The following ZNF469 variants were observed in gnomAD, a reference collection of about 807,000 sequenced individuals.
ZNF469 encodes zinc finger protein 469.
In ZNF469, 1 loss-of-function variant was observed where a neutral mutation model predicts 1.0. The ratio of observed to expected loss-of-function variants is 1.00; its 90% CI spans 0.35 to 4.73. The LOEUF is 4.73. Ranked by LOEUF, ZNF469 falls within the 30% of genes most tolerant of loss-of-function variation. The pLI is 0.16. For missense variants in ZNF469, 6,100 were observed against 5,356.3 expected (o/e 1.14, Z -4.33); for synonymous variants, 2,703 against 2,363.4 (o/e 1.14, Z -4.17).
chr16:88,434,845 G>A lies in ZNF469; in HGVS notation c.7375G>A (p.Glu2459Lys), dbSNP rs752904821. Residue 2459 changes from glutamate to lysine, a missense_variant, in exon 3 of 3, where the codon GAG becomes AAG. Transcript: ENST00000565624. ...RGYKKKPAST[E>K]NGQWKGQAPH... ...CTATAAAAAGAAGCCTGCATCTACA[G>A]AGAACGGCCAGTGGAAGGGCCAAGC... 9 of 1,550,250 alleles carry A rather than the reference G, an allele frequency of 5.8e-6. No individual in the cohort carries two copies. The African/African-American group carries it at 8.2e-5, about 14-fold the overall frequency.
the ZNF469 span, among the ~76,000 whole-genome samples, chr16:88,157,106 T>C: frequency 1.1e-3 from 163 of 152,252 alleles, no homozygotes; most frequent in Non-Finnish European, 1.9e-3. Flanking sequence ...AGGGCTCCTG[T>C]GTCCCGGAGG....
chr16:88,281,821 TG>T, the ZNF469 span, among the ~76,000 whole-genome samples: 5 of 152,068 alleles, frequency 3.3e-5, no homozygotes, highest in East Asian at 9.6e-4. Context: ...GCACACAGGT[TG>T]GTGCTGTGCC....
chr16:88,433,232 G>A lies in ZNF469; in HGVS notation c.5762G>A (p.Gly1921Asp). 3 of 1,550,280 alleles carry A rather than the reference G, an allele frequency of 1.9e-6. No individual in the cohort carries two copies. The highest frequency in any genetic ancestry group is 2.6e-6 in the Non-Finnish European group (3 of 1,146,936). Residue 1921 changes from glycine (G) to aspartate (D), a missense_variant, in exon 3 of 3, where the codon GGC becomes GAC. Gly to Asp is a moderately conservative substitution (Grantham distance 94, BLOSUM62 -1). Coordinates refer to ENST00000565624, the MANE Select transcript of ZNF469 (RefSeq NM_001367624.2). The part of the protein sequence containing the change: ...GVAKSKDGIL[G>D]LQELTPAAQS... ...GCTAAGAGTAAAGATGGCATCCTGG[G>A]CTTGCAGGAGCTGACACCTGCTGCC...
chr16:88,386,594 G>A (rs923405340), intron 1 of ZNF469, among the ~76,000 whole-genome samples: 7 of 152,166 alleles, frequency 4.6e-5, no homozygotes, highest in Admixed American at 2.0e-4. Context: ...GGCGCTGGCC[G>A]GTGACTCGGA....
the ZNF469 span, among the ~76,000 whole-genome samples, chr16:88,322,668 G>A: frequency 7.1e-4 from 108 of 152,278 alleles, no homozygotes; most frequent in African/African-American, 2.5e-3. Context: ...TCCATCCCAC[G>A]GACTCCAGGA....
At chr16:88,131,434 T>A in the ZNF469 span, among the ~76,000 whole-genome samples, 1 of 146,532 alleles carries the variant, frequency 6.8e-6, no homozygotes, top group Non-Finnish European at 1.5e-5. Context: ...GGCTTTCCCT[T>A]CCCGGGGCCT....
At chr16:88,304,171 G>T in the ZNF469 span, among the ~76,000 whole-genome samples, 1 of 152,174 alleles carries the variant, frequency 6.6e-6, no homozygotes, top group Non-Finnish European at 1.5e-5. Flanking sequence ...TCCTAGGAGT[G>T]GGGAGAGGCT....
At chr16:88,247,376 GTGAA>G in the ZNF469 span, among the ~76,000 whole-genome samples, 7 of 78,252 alleles carry the variant, frequency 8.9e-5, no homozygotes, top group African/African-American at 2.1e-4. Flanking sequence ...GAATGAGTGA[GTGAA>G]TGAATGAGTC....
At chr16:88,187,602 T>TA in the ZNF469 span, among the ~76,000 whole-genome samples, 6 of 152,196 alleles carry the variant, frequency 3.9e-5, no homozygotes, top group African/African-American at 1.4e-4. Context: ...TTTATTTATT[T>TA]TTTTTGACTT....
chr16:88,323,670 TG>T, the ZNF469 span, among the ~76,000 whole-genome samples: 4 of 151,978 alleles, frequency 2.6e-5, no homozygotes, highest in Non-Finnish European at 2.9e-5. Context: ...GTAGAGGTAT[TG>T]GGGGGGCTGC....
the ZNF469 span, among the ~76,000 whole-genome samples, chr16:88,370,045 G>C: frequency 6.6e-6 from 1 of 152,216 alleles, no homozygotes; most frequent in African/African-American, 2.4e-5. Context: ...CCCAAACAGG[G>C]AAATTTCAAA....
chr16:88,399,310 G>A lies in ZNF469; in HGVS notation c.-192+16056G>A, dbSNP rs190408723. Among the ~76,000 whole-genome samples the A allele has an allele frequency of 7.9e-5, 12 of 152,346 alleles. No individual in the cohort carries two copies. In the East Asian group the frequency reaches 2.3e-3, roughly 29 times the overall value. ...ATCCCAATGATCAAAGCAAGTCCGGGGCCAGCCAGGTTCTGGGGACAAGGA... is the reference window on the plus strand; with the variant it reads ...ATCCCAATGATCAAAGCAAGTCCGGAGCCAGCCAGGTTCTGGGGACAAGGA... On this transcript the variant is annotated intron_variant, in intron 1 of 2. Transcript: ENST00000565624.
chr16:88,217,483 C>A, the ZNF469 span, among the ~76,000 whole-genome samples: 1 of 150,874 alleles, frequency 6.6e-6, no homozygotes, highest in Non-Finnish European at 1.5e-5. Context: ...GGTACATGTG[C>A]ACATTGTGCA....
rs1297809222 is a variant in ZNF469, at chr16:88,401,536, T to G, written c.-192+18282T>G. On this transcript the variant is annotated intron_variant, in intron 1 of 2. Coordinates refer to ENST00000565624, the MANE Select transcript of ZNF469 (RefSeq NM_001367624.2). ...GTGAGTGGATGGATGGATGGATGCATGGGTGGATGGATGGATGCATGGGTG... is the reference window on the plus strand; with the variant it reads ...GTGAGTGGATGGATGGATGGATGCAGGGGTGGATGGATGGATGCATGGGTG... Among the ~76,000 whole-genome samples the G allele has an allele frequency of 2.9e-5, 3 of 103,314 alleles. 1 individual carries two copies. Among genetic ancestry groups the G allele is most frequent in the African/African-American group, 8.9e-5 (3 of 33,534 alleles). The allele number at this position is 103,314 out of a possible 152,430, so 67.8% of individuals were successfully genotyped here.
At chr16:88,422,390 T>C (rs963734236) in intron 1 of ZNF469, among the ~76,000 whole-genome samples, 3 of 107,184 alleles carry the variant, frequency 2.8e-5, no homozygotes, top group African/African-American at 1.1e-4. Context: ...AATGGGTGAA[T>C]GGGTGGGTGG....
the ZNF469 span, among the ~76,000 whole-genome samples, chr16:88,285,116 A>G: frequency 6.6e-6 from 1 of 152,244 alleles, no homozygotes; most frequent in East Asian, 1.9e-4. Context: ...CAGCCCAAGA[A>G]GCCCAAGGCA....
intron 1 of ZNF469, among the ~76,000 whole-genome samples, chr16:88,397,759 G>T (rs1365001094): frequency 6.6e-6 from 1 of 152,130 alleles, no homozygotes; most frequent in African/African-American, 2.4e-5. Flanking sequence ...TCTTCTTATG[G>T]TCATTCGAAC....
At chr16:88,115,115 C>T in the ZNF469 span, among the ~76,000 whole-genome samples, 38,726 of 152,110 alleles carry the variant, frequency 0.25, 5,470 homozygotes, top group Non-Finnish European at 0.31. Flanking sequence ...CTTAACCATG[C>T]TGCCTGGTCT....
chr16:88,205,228 A>T, the ZNF469 span, among the ~76,000 whole-genome samples: 2 of 152,312 alleles, frequency 1.3e-5, no homozygotes, highest in African/African-American at 4.8e-5. This position sits in a 1 kb window ranked among gnomAD's most constrained non-coding sequence, Gnocchi z 4.2. Context: ...CATGACCTCA[A>T]TCCGCAATGG....
Sources: gnomAD v4.1 joint callset for allele counts (sites outside exome capture counted in the v4.1 genomes callset) on GRCh38, gnomAD v4.1.1 for gene constraint, Gnocchi (gnomAD v3.1) non-coding constraint, MANE v1.5 for transcripts, NCBI Gene and HGNC (gene_info 2026-07-23, HGNC 2026-07-21) for gene names.